Variants in ADGRL3 observed in about 807,000 individuals in gnomAD.
The protein encoded by ADGRL3 is adhesion G protein-coupled receptor L3, also known as calcium-independent alpha-latrotoxin receptor 3.
Under a neutral mutation model 153.5 loss-of-function variants are expected in ADGRL3, and 62 were observed. The ratio of observed to expected loss-of-function variants is 0.40; its 90% CI spans 0.33 to 0.50. The LOEUF (loss-of-function observed/expected upper bound fraction) is 0.50. ADGRL3 is among the 20% of genes least tolerant of loss of function. The probability of loss-of-function intolerance (pLI) is 0.47; values close to 1 mark genes in which losing one functional copy is unlikely to be tolerated. For missense variants in ADGRL3, 1,641 were observed against 1,859.4 expected (o/e 0.88, Z 2.16); for synonymous variants, 710 against 672.5 (o/e 1.06, Z -0.86).
At chr4:62,020,597 A>G (rs1222600266) in intron 21 of ADGRL3, among the ~76,000 whole-genome samples, 1 of 152,182 alleles carries the variant, frequency 6.6e-6, no homozygotes, top group East Asian at 1.9e-4. Flanking sequence ...ATGTGTATAT[A>G]CAGGCATCTT....
chr4:61,504,980 T>A (rs541337848), intron 3 of ADGRL3, among the ~76,000 whole-genome samples: 1 of 152,034 alleles, frequency 6.6e-6, no homozygotes, highest in South Asian at 2.1e-4. Flanking sequence ...TACCCAGGAG[T>A]GGGATTTCTG....
intron 3 of ADGRL3, among the ~76,000 whole-genome samples, chr4:61,502,699 A>G (rs919955762): frequency 9.2e-5 from 14 of 152,166 alleles, no homozygotes; most frequent in African/African-American, 3.4e-4. Flanking sequence ...TACTAATGTC[A>G]ATGATTTAAG....
At position 61,574,837 on chromosome 4, in the gene ADGRL3, A is replaced by T. The variant is rs192989868; in HGVS notation, c.260-12390A>T. Among the ~76,000 whole-genome samples the T allele has an allele frequency of 3.1e-3, 466 of 151,962 alleles. 1 individual carries two copies. The highest frequency in any genetic ancestry group is 5.3e-3 in the Non-Finnish European group (362 of 67,820). ...ATTTTAGGATTTACTGTTTTTGCTC[A>T]TGTAAATATTTTAGAAATAGAGAAA... On this transcript the variant is annotated intron_variant, in intron 4 of 26. Coordinates refer to ENST00000683033, the MANE Select transcript of ADGRL3 (RefSeq NM_001387552.1).
At chr4:61,230,936 T>A (rs1750348325) in intron 1 of ADGRL3, among the ~76,000 whole-genome samples, 1 of 152,120 alleles carries the variant, frequency 6.6e-6, no homozygotes, top group South Asian at 2.1e-4. Flanking sequence ...TTGGCCACAG[T>A]TTGTCAGGTT....
At chr4:62,042,563 A>G (rs62306380) in intron 24 of ADGRL3, among the ~76,000 whole-genome samples, 31,662 of 151,864 alleles carry the variant, frequency 0.21, 3,827 homozygotes, top group South Asian at 0.41. Flanking sequence ...GACAGGTGCA[A>G]TTAGAGCAGA....
At chr4:61,294,843 G>C (rs1441816732) in intron 1 of ADGRL3, among the ~76,000 whole-genome samples, 1 of 151,112 alleles carries the variant, frequency 6.6e-6, no homozygotes, top group Non-Finnish European at 1.5e-5. Flanking sequence ...TGCTCTCTGG[G>C]ACTCAATGTA....
chr4:61,626,057 GCTTT>G (rs1278189361), intron 5 of ADGRL3, among the ~76,000 whole-genome samples: 1 of 151,450 alleles, frequency 6.6e-6, no homozygotes, highest in Admixed American at 6.6e-5. Context: ...TATTTACATG[GCTTT>G]CTATTTGACC....
At chr4:61,947,208 TG>T (rs1581584617) in intron 16 of ADGRL3, 86 bp downstream of exon 16, 2 of 1,104,476 alleles carry the variant, frequency 1.8e-6, no homozygotes, top group East Asian at 5.0e-5. Flanking sequence ...TTTCTTTTAA[TG>T]TTTTTTCTAT....
intron 6 of ADGRL3, among the ~76,000 whole-genome samples, chr4:61,683,173 C>T (rs948348377): frequency 1.3e-5 from 2 of 149,272 alleles, no homozygotes; most frequent in Non-Finnish European, 3.0e-5. Flanking sequence ...AGTGCTGTGG[C>T]ATATTCACTG....
At chr4:61,646,058 T>C (rs1472771478) in intron 5 of ADGRL3, among the ~76,000 whole-genome samples, 3 of 152,224 alleles carry the variant, frequency 2.0e-5, no homozygotes, top group Admixed American at 6.5e-5. Flanking sequence ...GCTGATACCC[T>C]TTCTCCAGTT....
chr4:61,561,870 C>T (rs2098796518), intron 4 of ADGRL3, among the ~76,000 whole-genome samples: 1 of 151,922 alleles, frequency 6.6e-6, no homozygotes, highest in African/African-American at 2.4e-5. Flanking sequence ...AAACTTCAAG[C>T]CTTAAGCAAT....
chr4:61,932,130 G>A (rs2098820152), intron 13 of ADGRL3, among the ~76,000 whole-genome samples: 1 of 151,884 alleles, frequency 6.6e-6, no homozygotes, highest in African/African-American at 2.4e-5. Flanking sequence ...CATGTCATCT[G>A]CAGACAGGGA....
intron 1 of ADGRL3, among the ~76,000 whole-genome samples, chr4:61,262,634 AATCGTATTT>A (rs1319587218): frequency 6.6e-6 from 1 of 151,850 alleles, no homozygotes; most frequent in Non-Finnish European, 1.5e-5. Context: ...CTTTTATCTT[AATCGTATTT>A]ATTCTATCAT....
intron 21 of ADGRL3, among the ~76,000 whole-genome samples, chr4:62,005,333 A>G (rs565871137): frequency 6.6e-6 from 1 of 152,196 alleles, no homozygotes; most frequent in Non-Finnish European, 1.5e-5. Flanking sequence ...GGGTTTATGC[A>G]TAAGTGTATT....
At chr4:61,915,218 T>C (rs1161985259) in intron 13 of ADGRL3, among the ~76,000 whole-genome samples, 1 of 149,794 alleles carries the variant, frequency 6.7e-6, no homozygotes, top group South Asian at 2.1e-4. Flanking sequence ...TGGGGAAAAA[T>C]TGCTTTGGGA....
At chr4:62,020,434 T>C (rs1483704338) in intron 21 of ADGRL3, among the ~76,000 whole-genome samples, 3 of 152,080 alleles carry the variant, frequency 2.0e-5, no homozygotes, top group Admixed American at 6.6e-5. Context: ...TAGAAAATAC[T>C]GGACCTCCAA....
At chr4:61,969,029 A>G (rs2099016946) in intron 17 of ADGRL3, among the ~76,000 whole-genome samples, 1 of 152,130 alleles carries the variant, frequency 6.6e-6, no homozygotes, top group African/African-American at 2.4e-5. Flanking sequence ...TCAACGTATC[A>G]TTTGATATAT....
At chr4:62,006,688 T>C (rs1012568901) in intron 21 of ADGRL3, among the ~76,000 whole-genome samples, 3 of 151,888 alleles carry the variant, frequency 2.0e-5, no homozygotes, top group African/African-American at 7.3e-5. Flanking sequence ...CCTGGTTTTC[T>C]AAAATTTAAG....
Position 61,463,801 on chromosome 4 carries a change from G to T in ADGRL3, c.-173-33320G>T, listed in dbSNP as rs568834621. ...TTATGAGGACGGGGTGGGTATGAGG[G>T]TTATCTGAAATTAAACAAAAGTTGT... On this transcript the variant is annotated intron_variant, in intron 2 of 26. Coordinates refer to ENST00000683033, the MANE Select transcript of ADGRL3 (RefSeq NM_001387552.1). Among the ~76,000 whole-genome samples, 23 of 152,250 alleles carry T rather than the reference G, an allele frequency of 1.5e-4. 1 individual carries two copies. In the South Asian group the frequency reaches 4.8e-3, roughly 32 times the overall value.
Sources: allele counts gnomAD v4.1 joint callset (sites outside exome capture counted in the v4.1 genomes callset), GRCh38; gene constraint gnomAD v4.1.1; transcripts MANE v1.5; gene names NCBI Gene and HGNC (gene_info 2026-07-23, HGNC 2026-07-21).